The following NAALADL2 variants were observed in gnomAD, a reference collection of about 807,000 sequenced individuals.
NAALADL2 encodes the protein inactive N-acetylated-alpha-linked acidic dipeptidase-like protein 2.
Under a neutral mutation model 87.2 loss-of-function variants are expected in NAALADL2, and 76 were observed. The ratio of observed to expected loss-of-function variants is 0.87; its 90% CI spans 0.72 to 1.05. NAALADL2 has a LOEUF of 1.05. Ranked by LOEUF, NAALADL2 falls within the 50% of genes least tolerant of loss-of-function variation. NAALADL2 has a pLI of 0.00. For missense variants in NAALADL2, 1,089 were observed against 945.8 expected (o/e 1.15, Z -1.99); for synonymous variants, 354 against 331.0 (o/e 1.07, Z -0.75).
intron 11 of NAALADL2, among the ~76,000 whole-genome samples, chr3:175,658,277 A>G (rs1189757703): frequency 6.6e-6 from 1 of 152,144 alleles, no homozygotes; most frequent in Non-Finnish European, 1.5e-5. Flanking sequence ...TATGGTACCC[A>G]AATGACAGGG....
At chr3:175,763,052 C>A (rs921533151) in intron 13 of NAALADL2, among the ~76,000 whole-genome samples, 4 of 151,060 alleles carry the variant, frequency 2.6e-5, no homozygotes, top group Admixed American at 1.3e-4. Context: ...CCACTGCACT[C>A]CAGCCTGGGG....
intron 13 of NAALADL2, among the ~76,000 whole-genome samples, chr3:175,794,823 A>G (rs1316512209): frequency 6.6e-6 from 1 of 152,204 alleles, no homozygotes; most frequent in Non-Finnish European, 1.5e-5. Flanking sequence ...TTCATAGTCA[A>G]CTCAGGCTGC....
intron 2 of NAALADL2, among the ~76,000 whole-genome samples, chr3:174,587,353 T>C (rs1014570293): frequency 1.3e-5 from 2 of 152,208 alleles, no homozygotes; most frequent in African/African-American, 2.4e-5. Flanking sequence ...TGTCTTTTAA[T>C]TGGAGCATTT....
At chr3:175,068,777 CAATA>C (rs1715014618) in intron 1 of NAALADL2, among the ~76,000 whole-genome samples, 1 of 152,030 alleles carries the variant, frequency 6.6e-6, no homozygotes, top group South Asian at 2.1e-4. Flanking sequence ...TATTTTAACT[CAATA>C]AATAACCATC....
At chr3:175,668,970 T>C (rs1026608689) in intron 11 of NAALADL2, among the ~76,000 whole-genome samples, 3 of 152,134 alleles carry the variant, frequency 2.0e-5, no homozygotes, top group Admixed American at 6.6e-5. Context: ...TCATTGTTTT[T>C]GGTGGGTGTT....
intron 10 of NAALADL2, among the ~76,000 whole-genome samples, chr3:175,604,559 C>T (rs1723424496): frequency 6.6e-6 from 1 of 152,134 alleles, no homozygotes; most frequent in South Asian, 2.1e-4. Context: ...CTGCCTCAGC[C>T]TCCCACAGTG....
intron 1 of NAALADL2, among the ~76,000 whole-genome samples, chr3:175,005,171 T>C (rs1560465676): frequency 6.6e-6 from 1 of 152,192 alleles, no homozygotes; most frequent in South Asian, 2.1e-4. Flanking sequence ...AATCATTTAA[T>C]ATTCAGAAAA....
chr3:175,142,246 C>G (rs937896350), intron 2 of NAALADL2, among the ~76,000 whole-genome samples: 1 of 151,990 alleles, frequency 6.6e-6, no homozygotes, highest in East Asian at 1.9e-4. Flanking sequence ...GTGAATTAAA[C>G]AAGATTAACA....
chr3:174,535,937 T>C (rs538761685), intron 1 of NAALADL2, among the ~76,000 whole-genome samples: 3 of 152,098 alleles, frequency 2.0e-5, no homozygotes, highest in African/African-American at 2.4e-5. Flanking sequence ...CAAAGAACGA[T>C]TGAATGAAAA....
At chr3:174,622,003 A>C (rs1033705400) in intron 2 of NAALADL2, among the ~76,000 whole-genome samples, 15 of 152,118 alleles carry the variant, frequency 9.9e-5, no homozygotes, top group Non-Finnish European at 1.5e-4. Flanking sequence ...TAGCCATCAC[A>C]CTCAGATTGG....
intron 1 of NAALADL2, among the ~76,000 whole-genome samples, chr3:174,874,602 G>A (rs906059813): frequency 2.6e-5 from 4 of 152,136 alleles, no homozygotes; most frequent in African/African-American, 9.7e-5. Context: ...CTATACGTGT[G>A]TAAAAGCATC....
At chr3:174,886,590 T>C (rs1246219987) in intron 1 of NAALADL2, among the ~76,000 whole-genome samples, 1 of 152,198 alleles carries the variant, frequency 6.6e-6, no homozygotes, top group East Asian at 1.9e-4. Context: ...TTAAGAATGA[T>C]TCATTTTATC....
chr3:175,178,334 T>A (rs1487124717), intron 2 of NAALADL2, among the ~76,000 whole-genome samples: 1 of 152,074 alleles, frequency 6.6e-6, no homozygotes, highest in African/African-American at 2.4e-5. Flanking sequence ...CTTTCATTTA[T>A]CCCAAGTATA....
intron 10 of NAALADL2, among the ~76,000 whole-genome samples, chr3:175,594,728 T>C (rs926713186): frequency 2.6e-5 from 4 of 152,188 alleles, no homozygotes; most frequent in African/African-American, 9.6e-5. Context: ...CTCACTGTGT[T>C]TTTGATTTGC....
intron 2 of NAALADL2, among the ~76,000 whole-genome samples, chr3:174,589,294 GA>G (rs1717095584): frequency 6.6e-6 from 1 of 152,136 alleles, no homozygotes; most frequent in East Asian, 1.9e-4. Flanking sequence ...CCTTGGCTAG[GA>G]AAGGGAATTC....
intron 9 of NAALADL2, among the ~76,000 whole-genome samples, chr3:175,564,538 G>A (rs895208887): frequency 6.6e-5 from 10 of 152,124 alleles, no homozygotes; most frequent in African/African-American, 2.2e-4. Flanking sequence ...AGCATTGCCT[G>A]TGAGCCTAAG....
intron 11 of NAALADL2, among the ~76,000 whole-genome samples, chr3:175,721,080 A>T (rs1485287921): frequency 6.6e-6 from 1 of 152,102 alleles, no homozygotes; most frequent in Non-Finnish European, 1.5e-5. Context: ...AGACAATGTA[A>T]GAGAGAAAAA....
chr3:174,909,258 G>A (rs574665459), intron 1 of NAALADL2, among the ~76,000 whole-genome samples: 1 of 152,108 alleles, frequency 6.6e-6, no homozygotes, highest in South Asian at 2.1e-4. Flanking sequence ...TCCTGGCATG[G>A]TGACGGGTGC....
intron 3 of NAALADL2, among the ~76,000 whole-genome samples, chr3:174,784,237 C>A (rs918380770): frequency 1.3e-5 from 2 of 152,004 alleles, no homozygotes; most frequent in South Asian, 4.1e-4. Context: ...TGCCTTGAAT[C>A]CAGATATTGG....
Sources: gnomAD v4.1 joint callset for allele counts (sites outside exome capture counted in the v4.1 genomes callset) on GRCh38, gnomAD v4.1.1 for gene constraint, MANE v1.5 for transcripts, NCBI Gene and HGNC (gene_info 2026-07-23, HGNC 2026-07-21) for gene names.